PTPRT: variants seen among roughly 807,000 people sequenced by gnomAD.
PTPRT encodes receptor-type tyrosine-protein phosphatase T.
Under a neutral mutation model 176.8 loss-of-function variants are expected in PTPRT, and 56 were observed. That is an observed-to-expected ratio of 0.32 (90% CI 0.26 to 0.40). PTPRT has a LOEUF of 0.40. Among genes scored for constraint, PTPRT ranks in the 10% least tolerant of loss-of-function variants. The probability of loss-of-function intolerance (pLI) is 1.00; values close to 1 mark genes in which losing one functional copy is unlikely to be tolerated. For missense variants in PTPRT, 1,540 were observed against 1,908.2 expected (o/e 0.81, Z 3.60); for synonymous variants, 783 against 739.0 (o/e 1.06, Z -0.96).
At chr20:43,162,801 C>T (rs2014734262) in intron 1 of PTPRT, among the ~76,000 whole-genome samples, 1 of 126,708 alleles carries the variant, frequency 7.9e-6, no homozygotes, top group Admixed American at 8.7e-5. Context: ...GGCTGCTCTT[C>T]TGTCTGCTCC....
At chr20:42,112,789 A>T (rs979667504) in intron 22 of PTPRT, among the ~76,000 whole-genome samples, 1 of 152,122 alleles carries the variant, frequency 6.6e-6, no homozygotes, top group Non-Finnish European at 1.5e-5. Flanking sequence ...CCAAACTAAC[A>T]TAGGGGCAGG....
chr20:43,092,495 A>G (rs900662555), intron 1 of PTPRT, among the ~76,000 whole-genome samples: 1 of 152,228 alleles, frequency 6.6e-6, no homozygotes, highest in African/African-American at 2.4e-5. Flanking sequence ...TTAAGGAGAG[A>G]CACAAATACT....
At chr20:42,157,653 C>T (rs1989421514) in intron 17 of PTPRT, among the ~76,000 whole-genome samples, 2 of 152,038 alleles carry the variant, frequency 1.3e-5, no homozygotes, top group African/African-American at 2.4e-5. Context: ...GCTCTGCATG[C>T]TCCTCTAGAA....
intron 1 of PTPRT, among the ~76,000 whole-genome samples, chr20:42,977,856 A>T (rs895107561): frequency 1.3e-5 from 2 of 152,198 alleles, no homozygotes; most frequent in South Asian, 4.1e-4. Flanking sequence ...ATTACCTTTT[A>T]TGTGCATCTC....
intron 1 of PTPRT, among the ~76,000 whole-genome samples, chr20:42,902,824 C>G (rs1288491711): frequency 3.3e-5 from 5 of 152,188 alleles, no homozygotes; most frequent in Non-Finnish European, 5.9e-5. Flanking sequence ...GATAATGTCT[C>G]TTGCATGAAA....
intron 9 of PTPRT, among the ~76,000 whole-genome samples, chr20:42,412,931 G>A (rs1402169191): frequency 6.6e-6 from 1 of 151,708 alleles, no homozygotes. Context: ...AAACTTTTTG[G>A]GATTATGAAA....
At chr20:42,049,764 G>C in the PTPRT span, among the ~76,000 whole-genome samples, 5 of 152,098 alleles carry the variant, frequency 3.3e-5, no homozygotes, top group Admixed American at 2.0e-4. Flanking sequence ...CTCTCCACTT[G>C]GGCTTTCAGA....
intron 18 of PTPRT, 115 bp from the exon 19 acceptor site, chr20:42,128,945 A>G: frequency 1.3e-6 from 1 of 779,286 alleles, no homozygotes; most frequent in Non-Finnish European, 1.8e-6. Flanking sequence ...TGCTACTCTC[A>G]TTTAACTCTC....
intron 7 of PTPRT, among the ~76,000 whole-genome samples, chr20:42,577,502 T>A (rs969580174): frequency 5.9e-5 from 9 of 152,212 alleles, no homozygotes; most frequent in African/African-American, 2.2e-4. Flanking sequence ...TCTCCTGACC[T>A]GGATGCAACA....
chr20:42,161,225 T>C (rs1989580691), intron 17 of PTPRT, 127 bp downstream of exon 17: 3 of 1,068,644 alleles, frequency 2.8e-6, no homozygotes, highest in Non-Finnish European at 4.1e-6. Flanking sequence ...AGATGTTGCA[T>C]TTCCTACACG....
At chr20:43,094,093 T>TTCTTTC (rs200161306) in intron 1 of PTPRT, among the ~76,000 whole-genome samples, 1 of 66,068 alleles carries the variant, frequency 1.5e-5, no homozygotes, top group African/African-American at 5.0e-5. Flanking sequence ...CTTTCTTTCT[T>TTCTTTC]TTTTTTTTTT....
intron 1 of PTPRT, among the ~76,000 whole-genome samples, chr20:42,951,094 T>C (rs1197837513): frequency 6.6e-6 from 1 of 152,152 alleles, no homozygotes; most frequent in Non-Finnish European, 1.5e-5. Flanking sequence ...AATAAAATGA[T>C]AGATGGATGA....
At chr20:42,904,037 T>C (rs2079442474) in intron 1 of PTPRT, among the ~76,000 whole-genome samples, 1 of 152,140 alleles carries the variant, frequency 6.6e-6, no homozygotes, top group South Asian at 2.1e-4. Context: ...GGGCAGTCAC[T>C]AAGGTTCCTA....
intron 1 of PTPRT, among the ~76,000 whole-genome samples, chr20:43,110,839 A>G (rs938318372): frequency 5.3e-5 from 8 of 152,074 alleles, no homozygotes; most frequent in African/African-American, 1.9e-4. Context: ...CTGTATTTTC[A>G]TGTAGTTCTG....
chr20:42,135,560 G>T (rs1197412675), intron 18 of PTPRT, among the ~76,000 whole-genome samples: 1 of 152,286 alleles, frequency 6.6e-6, no homozygotes, highest in Non-Finnish European at 1.5e-5. Flanking sequence ...TAGTGCAGAG[G>T]TGCTCTGGTT....
intron 13 of PTPRT, among the ~76,000 whole-genome samples, chr20:42,279,157 CT>C (rs2057098522): frequency 6.6e-6 from 1 of 152,068 alleles, no homozygotes; most frequent in Non-Finnish European, 1.5e-5. Context: ...CTCTATGGCT[CT>C]GATCAGATTG....
intron 9 of PTPRT, among the ~76,000 whole-genome samples, chr20:42,403,202 T>G (rs2058927864): frequency 6.6e-6 from 1 of 152,202 alleles, no homozygotes; most frequent in African/African-American, 2.4e-5. Flanking sequence ...TATTATTTCG[T>G]AAACTTGCAT....
In PTPRT at chr20:42,956,501, C is replaced by T. The variant is rs555319967; in HGVS notation, c.89-70569G>A. ...TGCCTTCTGCCTTGATTGTAAGCTT[C>T]CTGAGGCCTCCCCAGAAGCTAAGCA... On this transcript the variant is annotated intron_variant, in intron 1 of 30. Coordinates refer to ENST00000373187, the MANE Select transcript of PTPRT (RefSeq NM_007050.6). Among the ~76,000 whole-genome samples, 18 of 152,308 alleles carry T rather than the reference C, an allele frequency of 1.2e-4. No homozygotes were observed. In the South Asian group the frequency reaches 3.5e-3, roughly 30 times the overall value.
chr20:42,279,620 G>A (rs1232441673), intron 13 of PTPRT, among the ~76,000 whole-genome samples: 1 of 152,224 alleles, frequency 6.6e-6, no homozygotes, highest in Non-Finnish European at 1.5e-5. Flanking sequence ...AACCGTCCAA[G>A]CTGGGTGGTA....
Sources: allele counts gnomAD v4.1 joint callset (sites outside exome capture counted in the v4.1 genomes callset), GRCh38; gene constraint gnomAD v4.1.1; transcripts MANE v1.5; gene names NCBI Gene and HGNC (gene_info 2026-07-23, HGNC 2026-07-21).